Variants in PHLPP2 observed in about 807,000 individuals in gnomAD.
PHLPP2 encodes the protein PH domain and leucine rich repeat protein phosphatase 2, also known as PH domain leucine-rich repeat-containing protein phosphatase 2.
Under a neutral mutation model 124.9 loss-of-function variants are expected in PHLPP2, and 66 were observed. The observed-to-expected ratio is 0.53, with a 90% confidence interval of 0.43 to 0.65. The LOEUF (loss-of-function observed/expected upper bound fraction) is 0.65, where lower values mean the gene tolerates loss of function less well. Among genes scored for constraint, PHLPP2 ranks in the 30% least tolerant of loss-of-function variants. The pLI is 0.00. For missense variants in PHLPP2, 1,685 were observed against 1,600.4 expected, an observed-to-expected ratio of 1.05 and a Z score of -0.90; for synonymous variants, 681 against 624.7, an observed-to-expected ratio of 1.09 and a Z score of -1.34.
chr16:71,663,355 C>T (rs9934778), intron 13 of PHLPP2, among the ~76,000 whole-genome samples: 5,707 of 152,304 alleles, frequency 0.037, 356 homozygotes, highest in African/African-American at 0.13. Flanking sequence ...TTGTGATCCG[C>T]CCGCCTTGGC....
intron 4 of PHLPP2, 149 bp from the exon 5 acceptor site, chr16:71,684,750 C>A: frequency 1.5e-6 from 1 of 653,310 alleles, no homozygotes; most frequent in Non-Finnish European, 2.5e-6. Flanking sequence ...CTCCATCTGC[C>A]AATGGGTCAC....
intron 10 of PHLPP2, among the ~76,000 whole-genome samples, chr16:71,669,690 T>A (rs1386936545): frequency 6.6e-6 from 1 of 152,220 alleles, no homozygotes; most frequent in Non-Finnish European, 1.5e-5. Flanking sequence ...CAAGGAATTA[T>A]AATTAACAAA....
rs1567613350 is a variant in PHLPP2, at chr16:71,658,329, A to T, written c.2183T>A (p.Ile728Asn). Reference sequence around the variant, plus strand: ...AGCAGGCAAAGCCTCTGGAATCAGGATTTCTGTCAAGTCGTTGCAACTTAG... The same window carrying T: ...AGCAGGCAAAGCCTCTGGAATCAGGTTTTCTGTCAAGTCGTTGCAACTTAG... ...VDLSCNDLTE[I>N]LIPEALPATL... The change falls in exon 15 of 19, where the codon ATC becomes AAC. Residue 728 changes from isoleucine to asparagine, a missense_variant. Ile to Asn is a moderately radical substitution (Grantham distance 149). Transcript: ENST00000568954. 1 of 1,613,880 alleles carries T rather than the reference A, an allele frequency of 6.2e-7. No homozygotes were observed. Among genetic ancestry groups the T allele is most frequent in the Admixed American group, 1.7e-5 (1 of 59,984 alleles).
chr16:71,677,531 G>A (rs2044958694), intron 8 of PHLPP2: 1 of 131,758 alleles, frequency 7.6e-6, no homozygotes, highest in Non-Finnish European at 1.7e-5. Context: ...AATGACCTCT[G>A]GGTTTTTTCT....
In PHLPP2 at chr16:71,644,982, A is replaced by AT; in HGVS notation, c.*3907dup. The AT allele has an allele frequency of 3.4e-6, 1 of 290,610 alleles. No individual in the cohort carries two copies. The highest frequency in any genetic ancestry group is 6.8e-6 in the Non-Finnish European group (1 of 147,576). 18.0% of individuals were successfully genotyped at this position (290,610 alleles called of 1,614,324 possible). A position where few individuals can be genotyped will look rare whatever the true frequency, so the allele number is the denominator to read the frequency against. On this transcript the variant is annotated 3_prime_UTR_variant, in exon 19 of 19. Coordinates refer to ENST00000568954, the MANE Select transcript of PHLPP2 (RefSeq NM_015020.3). Reference sequence around the variant, plus strand: ...TATTTTATTTATTATTGTTATTGTTATTTTTACAAACAATAGATTTGCTGC... The same window carrying AT: ...TATTTTATTTATTATTGTTATTGTTATTTTTTACAAACAATAGATTTGCTGC...
intron 2 of PHLPP2, among the ~76,000 whole-genome samples, chr16:71,709,517 C>T (rs187542848): frequency 7.9e-5 from 12 of 152,288 alleles, no homozygotes; most frequent in Admixed American, 7.8e-4. Flanking sequence ...AGCCAAAGGG[C>T]AATCCATTTT....
intron 4 of PHLPP2, 130 bp downstream of exon 4, chr16:71,690,389 G>T: frequency 1.5e-6 from 1 of 681,766 alleles, no homozygotes; most frequent in Non-Finnish European, 2.5e-6. Context: ...AACAGTCTCT[G>T]ATATAATCTT....
chr16:71,714,860 T>A, intron 1 of PHLPP2, 59 bp from the exon 2 acceptor site: 1 of 1,552,714 alleles, frequency 6.4e-7, no homozygotes, highest in Non-Finnish European at 8.7e-7. Context: ...ATTAGACATT[T>A]CAGTCCTCAC....
chr16:71,694,374 T>C (rs979518400), intron 3 of PHLPP2, among the ~76,000 whole-genome samples: 5 of 151,890 alleles, frequency 3.3e-5, no homozygotes, highest in African/African-American at 1.2e-4. Context: ...GGCAGGAGAA[T>C]TGCTTGAACC....
Position 71,724,418 on chromosome 16 carries a change from C to A in PHLPP2, c.-96G>T, listed in dbSNP as rs1046611304. ...AACCTCGTACAAAACGTCCGCTCAC[C>A]TCCCAGCCATGTTTTAATTCCCTTG... On this transcript the variant is annotated 5_prime_UTR_variant, in exon 1 of 19. The change creates a new upstream start codon in the 5' untranslated region. Coordinates refer to ENST00000568954, the MANE Select transcript of PHLPP2 (RefSeq NM_015020.3). The A allele has an allele frequency of 6.6e-6, 1 of 152,290 alleles. No homozygotes were observed. The highest frequency in any genetic ancestry group is 2.4e-5 in the African/African-American group (1 of 41,456). The allele number at this position is 152,290 out of a possible 1,614,324, so 9.4% of individuals were successfully genotyped here.
intron 3 of PHLPP2, among the ~76,000 whole-genome samples, chr16:71,695,191 T>A (rs1229685952): frequency 6.6e-6 from 1 of 152,174 alleles, no homozygotes; most frequent in Non-Finnish European, 1.5e-5. Flanking sequence ...TATAAAAGTG[T>A]TCTGCAGTAG....
At chr16:71,671,008 G>C (rs1458476432) in intron 10 of PHLPP2, among the ~76,000 whole-genome samples, 2 of 152,172 alleles carry the variant, frequency 1.3e-5, no homozygotes, top group Non-Finnish European at 2.9e-5. Flanking sequence ...GGTAGATGCT[G>C]AGGACACTGG....
intron 1 of PHLPP2, 189 bp from the exon 2 acceptor site, chr16:71,714,990 G>A (rs2045351813): frequency 6.1e-6 from 4 of 659,282 alleles, no homozygotes; most frequent in Non-Finnish European, 4.9e-6. Flanking sequence ...TTTCTTTACT[G>A]CTGTCTGTGT....
chr16:71,658,523 CAAT>C (rs1261930255), intron 14 of PHLPP2, 127 bp downstream of exon 14: 9 of 1,211,654 alleles, frequency 7.4e-6, no homozygotes, highest in Middle Eastern at 2.0e-4. Context: ...CATAAGAAGA[CAAT>C]AATATTTTTC....
chr16:71,712,088 C>T (rs181992035), intron 2 of PHLPP2, among the ~76,000 whole-genome samples: 5 of 152,180 alleles, frequency 3.3e-5, no homozygotes, highest in Admixed American at 2.6e-4. Context: ...CTAAAAGCAA[C>T]GATACTACCT....
Position 71,652,956 on chromosome 16 carries a change from G to C in PHLPP2, c.2651C>G (p.Thr884Ser). The C allele has an allele frequency of 6.2e-7, 1 of 1,614,080 alleles. No individual in the cohort carries two copies. Among genetic ancestry groups the C allele is most frequent in the Non-Finnish European group, 8.5e-7 (1 of 1,180,028 alleles). ...SALLCYIRPD[T>S]ADPASSFSLT... ...GCTAAAGCTACTTGCTGGATCGGCA[G>C]TGTCAGGGCGGATGTAGCACAGGAG... is the stretch of plus-strand genomic sequence containing the variant. The change falls in exon 18 of 19, where the codon ACT becomes AGT. Residue 884 changes from threonine (T) to serine (S), a missense_variant. Transcript: ENST00000568954.
chr16:71,692,313 C>T (rs1378239017), intron 3 of PHLPP2, among the ~76,000 whole-genome samples: 1 of 152,164 alleles, frequency 6.6e-6, no homozygotes, highest in Admixed American at 6.5e-5. Context: ...TCGTGATCCG[C>T]CTGCCTCGGC....
intron 9 of PHLPP2, among the ~76,000 whole-genome samples, chr16:71,674,638 C>A (rs2044928482): frequency 6.6e-6 from 1 of 152,140 alleles, no homozygotes; most frequent in African/African-American, 2.4e-5. Context: ...CATTCATTTT[C>A]ACTGCTGTGC....
intron 2 of PHLPP2, among the ~76,000 whole-genome samples, chr16:71,710,369 A>G (rs2045315800): frequency 6.6e-6 from 1 of 152,202 alleles, no homozygotes; most frequent in African/African-American, 2.4e-5. Flanking sequence ...TAGTCAAGTG[A>G]TAACTCATGG....
Sources: gnomAD v4.1 joint callset for allele counts (sites outside exome capture counted in the v4.1 genomes callset) on GRCh38, gnomAD v4.1.1 for gene constraint, MANE v1.5 for transcripts, NCBI Gene and HGNC (gene_info 2026-07-23, HGNC 2026-07-21) for gene names.